The following EPHA3 variants were observed in gnomAD, a reference collection of about 807,000 sequenced individuals.
The protein encoded by EPHA3 is EPH receptor A3.
A neutral mutation model predicts 107.1 loss-of-function variants in EPHA3; 42 were observed. The observed-to-expected ratio is 0.39, with a 90% confidence interval of 0.31 to 0.51. The LOEUF (loss-of-function observed/expected upper bound fraction) is 0.51. EPHA3 is among the 20% of genes least tolerant of loss of function. The pLI, the probability that EPHA3 is intolerant of heterozygous loss-of-function variation, is 0.78. For synonymous variants in EPHA3, 461 were observed against 424.8 expected, an observed-to-expected ratio of 1.09 and a Z score of -1.05; for missense variants, 1,183 against 1,211.2, an observed-to-expected ratio of 0.98 and a Z score of 0.35.
intron 2 of EPHA3, among the ~76,000 whole-genome samples, chr3:89,199,447 C>T (rs1353584089): frequency 1.3e-5 from 2 of 152,130 alleles, no homozygotes; most frequent in Non-Finnish European, 2.9e-5. Context: ...AAATAGCACA[C>T]TTCATTGAAA....
chr3:89,225,690 G>A (rs1704486267), intron 3 of EPHA3, among the ~76,000 whole-genome samples: 2 of 152,174 alleles, frequency 1.3e-5, no homozygotes, highest in Middle Eastern at 3.2e-3. Flanking sequence ...CACTGAGGCT[G>A]CAGTCAGAGC....
intron 13 of EPHA3, among the ~76,000 whole-genome samples, chr3:89,447,357 T>C (rs2107551363): frequency 6.6e-6 from 1 of 152,248 alleles, no homozygotes; most frequent in African/African-American, 2.4e-5. Context: ...ATGGTGTTTT[T>C]CCATTTCCTC....
chr3:89,278,082 CAT>C (rs1428822173), intron 3 of EPHA3, among the ~76,000 whole-genome samples: 2 of 152,292 alleles, frequency 1.3e-5, no homozygotes, highest in African/African-American at 4.8e-5. Context: ...TTTCTAAAAA[CAT>C]GTGTAATTCC....
intron 3 of EPHA3, among the ~76,000 whole-genome samples, chr3:89,237,197 C>T (rs1704785362): frequency 6.6e-6 from 1 of 152,170 alleles, no homozygotes; most frequent in East Asian, 1.9e-4. Context: ...GGGCAAAACC[C>T]TGTCTCTACT....
intron 7 of EPHA3, among the ~76,000 whole-genome samples, chr3:89,400,694 T>A (rs115410368): frequency 0.011 from 1,707 of 152,112 alleles, 36 homozygotes; most frequent in African/African-American, 0.039. Context: ...AATGTGCTAA[T>A]ATATCCCACA....
At chr3:89,327,859 A>G (rs768634017) in intron 3 of EPHA3, among the ~76,000 whole-genome samples, 1 of 152,070 alleles carries the variant, frequency 6.6e-6, no homozygotes, top group Non-Finnish European at 1.5e-5. Context: ...AGAACTTGGG[A>G]GGCTGAGGCG....
At chr3:89,422,772 A>G (rs1709376963) in intron 11 of EPHA3, among the ~76,000 whole-genome samples, 1 of 151,454 alleles carries the variant, frequency 6.6e-6, no homozygotes, top group Non-Finnish European at 1.5e-5. Flanking sequence ...GCTTTGAAAC[A>G]CTAGGTCAAA....
intron 1 of EPHA3, among the ~76,000 whole-genome samples, chr3:89,120,897 C>T (rs1177247658): frequency 4.6e-5 from 7 of 152,202 alleles, no homozygotes; most frequent in African/African-American, 1.7e-4. Context: ...TAAAATACCA[C>T]CTGACCAAAG....
At chr3:89,273,799 T>C (rs538298683) in intron 3 of EPHA3, among the ~76,000 whole-genome samples, 4 of 152,058 alleles carry the variant, frequency 2.6e-5, no homozygotes, top group African/African-American at 9.6e-5. Flanking sequence ...GCCAATAGCA[T>C]GCAACTACTG....
At chr3:89,331,024 T>C (rs1707273307) in intron 3 of EPHA3, among the ~76,000 whole-genome samples, 1 of 152,058 alleles carries the variant, frequency 6.6e-6, no homozygotes, top group Non-Finnish European at 1.5e-5. Context: ...CTGTGGTGAG[T>C]GGATGTTTGT....
intron 3 of EPHA3, among the ~76,000 whole-genome samples, chr3:89,332,798 AG>A (rs1707316614): frequency 6.6e-6 from 1 of 152,140 alleles, no homozygotes; most frequent in African/African-American, 2.4e-5. Flanking sequence ...CCCTGTGTGG[AG>A]GGAGCTAACG....
chr3:89,342,945 A>G (rs537339309), intron 5 of EPHA3, among the ~76,000 whole-genome samples: 2 of 151,914 alleles, frequency 1.3e-5, no homozygotes, highest in South Asian at 4.1e-4. Context: ...TGCCACTCTG[A>G]TTCTCCAGAG....
At chr3:89,153,085 G>A (rs1176573935) in intron 2 of EPHA3, among the ~76,000 whole-genome samples, 2 of 152,044 alleles carry the variant, frequency 1.3e-5, no homozygotes, top group African/African-American at 4.8e-5. Context: ...TATGCTATAA[G>A]TTAATTACTA....
chr3:89,187,713 T>C (rs1214138308), intron 2 of EPHA3, among the ~76,000 whole-genome samples: 1 of 152,132 alleles, frequency 6.6e-6, no homozygotes, highest in Non-Finnish European at 1.5e-5. Context: ...AGAGTGTGTG[T>C]ATGTATACAA....
At chr3:89,337,168 A>G (rs1191882541) in intron 3 of EPHA3, among the ~76,000 whole-genome samples, 1 of 152,210 alleles carries the variant, frequency 6.6e-6, no homozygotes, top group African/African-American at 2.4e-5. Context: ...AATAGATGAC[A>G]AAGTCTTGCA....
At chr3:89,315,493 T>C (rs111965360) in intron 3 of EPHA3, among the ~76,000 whole-genome samples, 5 of 151,820 alleles carry the variant, frequency 3.3e-5, no homozygotes, top group Middle Eastern at 3.2e-3. Context: ...TGTGTTACCA[T>C]TGATTTGGCT....
intron 2 of EPHA3, among the ~76,000 whole-genome samples, chr3:89,178,867 T>C (rs891424603): frequency 1.3e-5 from 2 of 151,834 alleles, no homozygotes; most frequent in Non-Finnish European, 2.9e-5. Flanking sequence ...AGAATAACCT[T>C]TTCTATGTGT....
intron 5 of EPHA3, among the ~76,000 whole-genome samples, chr3:89,390,356 T>C (rs942428283): frequency 6.6e-6 from 1 of 152,106 alleles, no homozygotes; most frequent in African/African-American, 2.4e-5. Context: ...GCTAGCACTT[T>C]GGGAGGCCAA....
intron 2 of EPHA3, among the ~76,000 whole-genome samples, chr3:89,206,654 G>GT (rs1391285080): frequency 2.0e-5 from 3 of 151,862 alleles, no homozygotes; most frequent in Admixed American, 6.6e-5. Context: ...TCTGTTGACT[G>GT]TTTTTTTATA....
Sources: gnomAD v4.1 joint callset for allele counts (sites outside exome capture counted in the v4.1 genomes callset) on GRCh38, gnomAD v4.1.1 for gene constraint, MANE v1.5 for transcripts, NCBI Gene and HGNC (gene_info 2026-07-23, HGNC 2026-07-21) for gene names.